FLVCR1: variants seen among roughly 807,000 people sequenced by gnomAD.
FLVCR1 encodes FLVCR choline and heme transporter 1.
FLVCR1 carries 34 observed loss-of-function variants against 53.6 expected under a neutral mutation model. The ratio of observed to expected loss-of-function variants is 0.63; its 90% CI spans 0.48 to 0.84. FLVCR1 has a LOEUF of 0.84. FLVCR1 is among the 40% of genes least tolerant of loss of function. The pLI, the probability that FLVCR1 is intolerant of heterozygous loss-of-function variation, is 0.00. For missense variants in FLVCR1, 677 were observed against 696.7 expected (o/e 0.97, Z 0.32); for synonymous variants, 300 against 286.3 (o/e 1.05, Z -0.48).
chr1:212,880,431 A>T (rs990827739), intron 3 of FLVCR1, among the ~76,000 whole-genome samples: 1 of 152,176 alleles, frequency 6.6e-6, no homozygotes, highest in Non-Finnish European at 1.5e-5. Context: ...TAAGGGATAG[A>T]CATCAGATCA....
At position 212,897,007 on chromosome 1, in the gene FLVCR1, C is replaced by G. The variant is rs1005012697; in HGVS notation, c.*1717C>G. On this transcript the variant is annotated 3_prime_UTR_variant, in exon 10 of 10. Transcript: ENST00000366971. ...TGGCCAAGATGGTGAAACCCCATCT[C>G]TACTAAAAATACAAAAATTAGCGCA... The G allele has an allele frequency of 1.3e-5, 2 of 151,738 alleles. No homozygotes were observed. Among genetic ancestry groups the G allele is most frequent in the African/African-American group, 4.9e-5 (2 of 41,232 alleles). 9.4% of individuals were successfully genotyped at this position (151,738 alleles called of 1,614,324 possible). A position where few individuals can be genotyped will look rare whatever the true frequency, so the allele number is the denominator to read the frequency against.
intron 5 of FLVCR1, among the ~76,000 whole-genome samples, chr1:212,886,533 C>CT (rs1464452668): frequency 6.6e-6 from 1 of 152,134 alleles, no homozygotes; most frequent in Admixed American, 6.6e-5. Flanking sequence ...GACACAATGT[C>CT]TTATGCCTGT....
At chr1:212,863,287 A>G (rs1664300895) in intron 1 of FLVCR1, among the ~76,000 whole-genome samples, 1 of 152,194 alleles carries the variant, frequency 6.6e-6, no homozygotes, top group Admixed American at 6.5e-5. Flanking sequence ...ATAGTAAAAA[A>G]GACATTAGAG....
intron 8 of FLVCR1, among the ~76,000 whole-genome samples, chr1:212,894,408 C>T: frequency 6.6e-6 from 1 of 152,178 alleles, no homozygotes; most frequent in East Asian, 1.9e-4. Flanking sequence ...CCACCTCGGC[C>T]TCCCAAAGTG....
chr1:212,861,146 C>T (rs1664228652), intron 1 of FLVCR1, among the ~76,000 whole-genome samples: 1 of 152,206 alleles, frequency 6.6e-6, no homozygotes, highest in African/African-American at 2.4e-5. Flanking sequence ...CTCCTGCCAG[C>T]CCTTCCACTT....
chr1:212,881,451 G>A (rs542396166), intron 3 of FLVCR1, among the ~76,000 whole-genome samples: 1 of 151,874 alleles, frequency 6.6e-6, no homozygotes, highest in Non-Finnish European at 1.5e-5. Flanking sequence ...CAATTCTCCT[G>A]CCTCAACCTC....
At chr1:212,869,282 A>G (rs1183383459) in intron 2 of FLVCR1, among the ~76,000 whole-genome samples, 1 of 152,176 alleles carries the variant, frequency 6.6e-6, no homozygotes. Context: ...ATAGAAAGCT[A>G]TTATTTTTCT....
At chr1:212,894,492 A>T (rs899879327) in intron 8 of FLVCR1, among the ~76,000 whole-genome samples, 4 of 152,124 alleles carry the variant, frequency 2.6e-5, no homozygotes, top group African/African-American at 7.2e-5. Flanking sequence ...TGAACCCACA[A>T]TGTCTCTGAG....
At chr1:212,869,041 T>G (rs1352519906) in intron 2 of FLVCR1, among the ~76,000 whole-genome samples, 1 of 152,186 alleles carries the variant, frequency 6.6e-6, no homozygotes, top group East Asian at 1.9e-4. Context: ...TATGCCTGAA[T>G]CACACAGGGA....
chr1:212,890,366 G>C (rs1347057344), intron 8 of FLVCR1, among the ~76,000 whole-genome samples: 1 of 151,960 alleles, frequency 6.6e-6, no homozygotes, highest in Non-Finnish European at 1.5e-5. Flanking sequence ...CTTCCCAGGG[G>C]CGTCCAATCT....
rs1665320007 is a variant in FLVCR1, at chr1:212,895,839, A to T, written c.*549A>T. Reference sequence around the variant, plus strand: ...CTCACCCACAAAGGACAGCATTGGGATCAGGCTTTCAGATGACCTCTAAGA... The same window carrying T: ...CTCACCCACAAAGGACAGCATTGGGTTCAGGCTTTCAGATGACCTCTAAGA... On this transcript the variant is annotated 3_prime_UTR_variant, in exon 10 of 10. Coordinates refer to ENST00000366971, the MANE Select transcript of FLVCR1 (RefSeq NM_014053.4). The T allele has an allele frequency of 6.3e-6, 1 of 157,520 alleles. No individual in the cohort carries two copies. 9.8% of individuals were successfully genotyped at this position (157,520 alleles called of 1,614,324 possible).
At position 212,899,177 on chromosome 1, in the gene FLVCR1, G is replaced by A. The variant is rs1665412450; in HGVS notation, c.*3887G>A. ...GTCACAAATACAGCTCTTGCCTTTTGAGAATGTTGGAGAGATGTCTTTAAA... is the reference window on the plus strand; with the variant it reads ...GTCACAAATACAGCTCTTGCCTTTTAAGAATGTTGGAGAGATGTCTTTAAA... On this transcript the variant is annotated 3_prime_UTR_variant, in exon 10 of 10. Transcript: ENST00000366971. 6.6e-6 allele frequency: 1 copy of A among 152,198 alleles called. No individual in the cohort carries two copies. The highest frequency in any genetic ancestry group is 1.5e-5 in the Non-Finnish European group (1 of 68,022). 9.4% of individuals were successfully genotyped at this position (152,198 alleles called of 1,614,324 possible). A position where few individuals can be genotyped will look rare whatever the true frequency, so the allele number is the denominator to read the frequency against.
intron 2 of FLVCR1, among the ~76,000 whole-genome samples, chr1:212,865,008 G>A (rs1417681354): frequency 6.6e-6 from 1 of 151,954 alleles, no homozygotes; most frequent in African/African-American, 2.4e-5. Context: ...TTGGTTTTCA[G>A]TTAGTTATGG....
chr1:212,883,126 G>T (rs904095087), intron 3 of FLVCR1, among the ~76,000 whole-genome samples: 2 of 152,094 alleles, frequency 1.3e-5, no homozygotes, highest in Non-Finnish European at 2.9e-5. Flanking sequence ...AATAATAATA[G>T]TATTAGGACA....
At chr1:212,894,405 G>A (rs541746678) in intron 8 of FLVCR1, among the ~76,000 whole-genome samples, 1 of 152,094 alleles carries the variant, frequency 6.6e-6, no homozygotes, top group Admixed American at 6.6e-5. Flanking sequence ...CACCCACCTC[G>A]GCCTCCCAAA....
At position 212,889,270 on chromosome 1, in the gene FLVCR1, G is replaced by GTT. The variant is rs1558121106; in HGVS notation, c.1525+15_1525+16dup. 6.6e-7 allele frequency: 1 copy of GTT among 1,510,692 alleles called. No homozygotes were observed. Among genetic ancestry groups the GTT allele is most frequent in the Non-Finnish European group, 9.2e-7 (1 of 1,085,966 alleles). The allele number at this position is 1,510,692 out of a possible 1,614,324, so 93.6% of individuals were successfully genotyped here. Reference sequence around the variant, plus strand: ...ATCATATTAACAGGTAAATTAGGGCGTTTGCCTGGCAAAAGGACTTGTGTC... The same window carrying GTT: ...ATCATATTAACAGGTAAATTAGGGCGTTTTTGCCTGGCAAAAGGACTTGTGTC... On this transcript the variant is annotated intron_variant, in intron 8 of 9. Coordinates refer to ENST00000366971, the MANE Select transcript of FLVCR1 (RefSeq NM_014053.4).
intron 3 of FLVCR1, among the ~76,000 whole-genome samples, chr1:212,880,257 C>T (rs540621481): frequency 2.6e-5 from 4 of 152,166 alleles, no homozygotes; most frequent in Admixed American, 6.5e-5. Flanking sequence ...ATCCTTTAAT[C>T]GCCAGTTTAA....
intron 4 of FLVCR1, among the ~76,000 whole-genome samples, chr1:212,883,640 G>A (rs1028150648): frequency 1.3e-5 from 2 of 152,048 alleles, no homozygotes; most frequent in Non-Finnish European, 2.9e-5. Context: ...TTATCAATTC[G>A]TTTATTGGAC....
chr1:212,889,716 C>T (rs868380992), intron 8 of FLVCR1, among the ~76,000 whole-genome samples: 2 of 139,020 alleles, frequency 1.4e-5, no homozygotes, highest in South Asian at 4.4e-4. Context: ...CAAGATCACA[C>T]GAGTGCACTC....
Sources: allele counts gnomAD v4.1 joint callset (sites outside exome capture counted in the v4.1 genomes callset), GRCh38; gene constraint gnomAD v4.1.1; transcripts MANE v1.5; gene names NCBI Gene and HGNC (gene_info 2026-07-23, HGNC 2026-07-21).